The following TMOD1 variants were observed in gnomAD, a reference collection of about 807,000 sequenced individuals.
TMOD1 encodes tropomodulin 1.
Under a neutral mutation model 40.6 loss-of-function variants are expected in TMOD1, and 17 were observed. The observed-to-expected ratio is 0.42, with a 90% confidence interval of 0.29 to 0.63. TMOD1 has a LOEUF of 0.63. Among genes scored for constraint, TMOD1 ranks in the 20% least tolerant of loss-of-function variants. TMOD1 has a pLI of 0.22. For missense variants in TMOD1, 391 were observed against 447.6 expected (o/e 0.87, Z 1.14); for synonymous variants, 181 against 175.0 (o/e 1.03, Z -0.27).
chr9:97,540,438 A>C (rs944852200), intron 2 of TMOD1, among the ~76,000 whole-genome samples: 1 of 152,132 alleles, frequency 6.6e-6, no homozygotes, highest in Non-Finnish European at 1.5e-5. Context: ...TTCCACCCTT[A>C]TGACCTCATT....
At chr9:97,582,324 AT>A (rs1331437567) in intron 8 of TMOD1, among the ~76,000 whole-genome samples, 1 of 141,604 alleles carries the variant, frequency 7.1e-6, no homozygotes, top group Non-Finnish European at 1.5e-5. Context: ...ATGTGGCGTT[AT>A]TTCTGAGGGC....
intron 8 of TMOD1, among the ~76,000 whole-genome samples, chr9:97,587,336 C>T (rs1825901789): frequency 1.3e-5 from 2 of 152,298 alleles, no homozygotes; most frequent in Admixed American, 6.5e-5. Context: ...CTAGACCCAC[C>T]AGTAGTTTAT....
chr9:97,562,871 C>A, intron 5 of TMOD1, 50 bp downstream of exon 5: 1 of 1,438,936 alleles, frequency 6.9e-7, no homozygotes, highest in Non-Finnish European at 9.5e-7. Flanking sequence ...TTGCTTCCTC[C>A]ACTCACTGAT....
intron 3 of TMOD1, among the ~76,000 whole-genome samples, chr9:97,550,575 G>A (rs550334762): frequency 6.6e-6 from 1 of 152,294 alleles, no homozygotes; most frequent in South Asian, 2.1e-4. Context: ...TCATGGGTGT[G>A]AAGTGGTATC....
chr9:97,545,691 C>T (rs745586533), intron 2 of TMOD1, among the ~76,000 whole-genome samples: 57 of 152,090 alleles, frequency 3.7e-4, no homozygotes, highest in Non-Finnish European at 8.8e-5. Flanking sequence ...TTTTGGTCTG[C>T]CTCTTCCTGC....
chr9:97,586,871 C>T (rs563385779), intron 8 of TMOD1, among the ~76,000 whole-genome samples: 110 of 152,330 alleles, frequency 7.2e-4, no homozygotes, highest in African/African-American at 2.5e-3. Flanking sequence ...GGCTCGCGCA[C>T]GGTGCACGCA....
At chr9:97,524,897 GTCT>G (rs1355714422) in intron 2 of TMOD1, among the ~76,000 whole-genome samples, 3 of 151,846 alleles carry the variant, frequency 2.0e-5, no homozygotes, top group African/African-American at 7.3e-5. Flanking sequence ...GTGTTACTCA[GTCT>G]ACTGATTCAA....
At chr9:97,554,248 G>C (rs1403895409) in intron 4 of TMOD1, among the ~76,000 whole-genome samples, 1 of 152,156 alleles carries the variant, frequency 6.6e-6, no homozygotes, top group African/African-American at 2.4e-5. Context: ...GGGGATGCCT[G>C]TGACTGATTG....
rs182567863 is a variant in TMOD1 at position 97,560,491 on chromosome 9, A to T, written c.398-2241A>T. On this transcript the variant is annotated intron_variant, in intron 4 of 9. Transcript: ENST00000259365. ...AATGGGGCGTACTTAGCTAAAAAAAAATCTGGTGTTGGCCGGGCGAGGTGG... is the reference window on the plus strand; with the variant it reads ...AATGGGGCGTACTTAGCTAAAAAAATATCTGGTGTTGGCCGGGCGAGGTGG... 2.4e-3 allele frequency among the ~76,000 whole-genome samples: 369 copies of T among 152,194 alleles called. 1 individual carries two copies. The highest frequency in any genetic ancestry group is 8.6e-3 in the African/African-American group (356 of 41,528).
intron 1 of TMOD1, among the ~76,000 whole-genome samples, chr9:97,514,275 C>CTTT (rs71369513): frequency 4.9e-5 from 6 of 121,806 alleles, no homozygotes; most frequent in Admixed American, 8.5e-5. Flanking sequence ...TTTTCTTTTT[C>CTTT]TTTTTTTTTT....
intron 8 of TMOD1, among the ~76,000 whole-genome samples, chr9:97,569,514 A>T (rs1468362824): frequency 6.6e-6 from 1 of 152,062 alleles, no homozygotes; most frequent in Non-Finnish European, 1.5e-5. Flanking sequence ...CACCATTCAC[A>T]TTACTCTCTA....
At chr9:97,541,651 G>C (rs774715751) in intron 2 of TMOD1, among the ~76,000 whole-genome samples, 4 of 151,318 alleles carry the variant, frequency 2.6e-5, no homozygotes, top group Non-Finnish European at 5.9e-5. Context: ...GAGTAGCTGG[G>C]ATTACAGGCA....
At chr9:97,514,606 T>C (rs1829769877) in intron 1 of TMOD1, among the ~76,000 whole-genome samples, 1 of 152,168 alleles carries the variant, frequency 6.6e-6, no homozygotes, top group South Asian at 2.1e-4. Flanking sequence ...AGCCTCCCAC[T>C]TCCCACTCCT....
chr9:97,551,630 T>C (rs1423353702), intron 3 of TMOD1, among the ~76,000 whole-genome samples: 1 of 152,214 alleles, frequency 6.6e-6, no homozygotes, highest in Non-Finnish European at 1.5e-5. Context: ...TAAGTATGAG[T>C]GCTCTAACTT....
At chr9:97,583,179 A>C (rs1220708525) in intron 8 of TMOD1, among the ~76,000 whole-genome samples, 3 of 149,422 alleles carry the variant, frequency 2.0e-5, no homozygotes, top group African/African-American at 7.6e-5. Context: ...TGTCCCATCA[A>C]TACCTAATTT....
chr9:97,538,951 G>C (rs973716540), intron 2 of TMOD1, among the ~76,000 whole-genome samples: 5 of 152,126 alleles, frequency 3.3e-5, no homozygotes, highest in African/African-American at 1.2e-4. Context: ...GTTGCAGTGA[G>C]CTGAGATAGC....
chr9:97,578,064 C>T (rs1825651767), intron 8 of TMOD1, among the ~76,000 whole-genome samples: 1 of 152,008 alleles, frequency 6.6e-6, no homozygotes, highest in South Asian at 2.1e-4. Context: ...TCTTTGACAT[C>T]TCTTTTTTTG....
rs1439446136 is a variant in TMOD1 at position 97,597,959 on chromosome 9, GATAT to G, written c.1016-1674_1016-1671del. Reference sequence around the variant, plus strand: ...CCCTGTGAGAATCAGATGCGATATGGATATGGAAACCCTACCCACACAAGGCTCA... The same window carrying G: ...CCCTGTGAGAATCAGATGCGATATGGGGAAACCCTACCCACACAAGGCTCA... On this transcript the variant is annotated intron_variant, in intron 9 of 9. Coordinates refer to ENST00000259365, the MANE Select transcript of TMOD1 (RefSeq NM_003275.4). Among the ~76,000 whole-genome samples, 3 of 152,180 alleles carry G rather than the reference GATAT, an allele frequency of 2.0e-5. No homozygotes were observed. The East Asian group carries it at 5.8e-4, about 30-fold the overall frequency.
chr9:97,504,510 A>G (rs1429163136), intron 1 of TMOD1, among the ~76,000 whole-genome samples: 1 of 152,060 alleles, frequency 6.6e-6, no homozygotes, highest in Non-Finnish European at 1.5e-5. Context: ...GTTAAAGGGG[A>G]ATCTAAAAGG....
Sources: gnomAD v4.1 joint callset for allele counts (sites outside exome capture counted in the v4.1 genomes callset) on GRCh38, gnomAD v4.1.1 for gene constraint, MANE v1.5 for transcripts, NCBI Gene and HGNC (gene_info 2026-07-23, HGNC 2026-07-21) for gene names.